The following BRD10 variants were observed in gnomAD, a reference collection of about 807,000 sequenced individuals.
The protein encoded by BRD10 is uncharacterized bromodomain-containing protein 10.
chr9:5,894,337 C>G, the BRD10 span, among the ~76,000 whole-genome samples: 1 of 152,048 alleles, frequency 6.6e-6, no homozygotes, highest in Non-Finnish European at 1.5e-5. The surrounding 1 kb of genome is among the most constrained non-coding windows in gnomAD (Gnocchi z 4.0). Context: ...ATATAAGAAG[C>G]TGGTTAAACA....
chr9:5,971,023 G>C, the BRD10 span, among the ~76,000 whole-genome samples: 1 of 120,326 alleles, frequency 8.3e-6, no homozygotes, highest in Non-Finnish European at 1.6e-5. Context: ...TTGTACTCCA[G>C]CCTGGGCAAC....
chr9:5,904,776 C>CTT, the BRD10 span, among the ~76,000 whole-genome samples: 4 of 128,948 alleles, frequency 3.1e-5, no homozygotes, highest in South Asian at 2.5e-4. Flanking sequence ...AGTTACACTT[C>CTT]TTTTTTTTTT....
the BRD10 span, among the ~76,000 whole-genome samples, chr9:5,912,455 G>A: frequency 1.3e-5 from 2 of 152,162 alleles, no homozygotes; most frequent in South Asian, 2.1e-4. Flanking sequence ...GGGTTGGGGT[G>A]GGGGGTTGGG....
the BRD10 span, among the ~76,000 whole-genome samples, chr9:5,885,929 G>T: frequency 6.6e-6 from 1 of 152,298 alleles, no homozygotes; most frequent in Middle Eastern, 3.4e-3. Context: ...AGGGCAACAG[G>T]ACTTTCTGGG....
chr9:5,979,167 A>G, the BRD10 span, among the ~76,000 whole-genome samples: 1 of 152,338 alleles, frequency 6.6e-6, no homozygotes, highest in African/African-American at 2.4e-5. Flanking sequence ...TGATTTCCAG[A>G]TCAGTAAAAT....
chr9:5,968,890 A>G, the BRD10 span: 7 of 1,613,062 alleles, frequency 4.3e-6, no homozygotes, highest in African/African-American at 1.3e-5. Flanking sequence ...GTCCAAGTAC[A>G]GCATCTTGAA....
chr9:5,999,790 T>G, the BRD10 span, among the ~76,000 whole-genome samples: 1 of 152,146 alleles, frequency 6.6e-6, no homozygotes, highest in Admixed American at 6.5e-5. Context: ...TCCACTTGTG[T>G]CTTTCTATAT....
chr9:5,959,505 G>C, the BRD10 span, among the ~76,000 whole-genome samples: 3 of 152,092 alleles, frequency 2.0e-5, no homozygotes, highest in Non-Finnish European at 4.4e-5. Flanking sequence ...CATACAATAA[G>C]CACTCAATGA....
At chr9:5,969,048 C>T in the BRD10 span, 2 of 1,612,576 alleles carry the variant, frequency 1.2e-6, no homozygotes, top group Non-Finnish European at 8.5e-7. Context: ...CCCAGTTTTT[C>T]AGCACAGTTA....
At chr9:5,957,873 C>A in the BRD10 span, among the ~76,000 whole-genome samples, 3 of 152,150 alleles carry the variant, frequency 2.0e-5, no homozygotes, top group Middle Eastern at 0.01. Flanking sequence ...TGCTTCAGGA[C>A]AAAATATATA....
chr9:6,000,121 TTAACAA>T, the BRD10 span, among the ~76,000 whole-genome samples: 7 of 152,192 alleles, frequency 4.6e-5, no homozygotes, highest in African/African-American at 1.7e-4. Context: ...ATCTTTCTAG[TTAACAA>T]TAACAACTAC....
chr9:5,921,579 G>A, the BRD10 span: 5 of 1,613,920 alleles, frequency 3.1e-6, no homozygotes, highest in Non-Finnish European at 1.7e-6. Context: ...ACCAGCATAA[G>A]TTTCTGAACT....
At chr9:6,008,073 C>A in the BRD10 span, 1 of 983,746 alleles carries the variant, frequency 1.0e-6, no homozygotes, top group African/African-American at 1.8e-5. Flanking sequence ...CCCTCGCCGG[C>A]CTCACCCCTC....
chr9:6,004,017 G>A, the BRD10 span, among the ~76,000 whole-genome samples: 1 of 152,166 alleles, frequency 6.6e-6, no homozygotes, highest in East Asian at 1.9e-4. Flanking sequence ...GCTGTTTCAT[G>A]CCTTGCACTC....
the BRD10 span, among the ~76,000 whole-genome samples, chr9:5,966,980 T>C: frequency 6.6e-6 from 1 of 152,150 alleles, no homozygotes; most frequent in Non-Finnish European, 1.5e-5. Flanking sequence ...CAATGATACA[T>C]TATATACATG....
chr9:5,896,785 C>A, the BRD10 span, among the ~76,000 whole-genome samples: 3 of 152,138 alleles, frequency 2.0e-5, no homozygotes, highest in African/African-American at 7.2e-5. Context: ...GGTCACTGAA[C>A]ACAGGGCCCA....
chr9:5,936,909 T>C, the BRD10 span, among the ~76,000 whole-genome samples: 1 of 152,124 alleles, frequency 6.6e-6, no homozygotes, highest in East Asian at 1.9e-4. Context: ...TTACTTATAT[T>C]TGAATAAGGG....
chr9:5,899,260 G>A, the BRD10 span: 2 of 152,208 alleles, frequency 1.3e-5, no homozygotes, highest in African/African-American at 4.8e-5. Flanking sequence ...AAGGTCCTGT[G>A]AAAGAGAGGA....
the BRD10 span, among the ~76,000 whole-genome samples, chr9:5,996,316 T>A: frequency 2.7e-5 from 4 of 150,386 alleles, no homozygotes; most frequent in African/African-American, 1.0e-4. Flanking sequence ...GGTTTTTTTT[T>A]TTGTTGTTGT....
Sources: gnomAD v4.1 joint callset for allele counts (sites outside exome capture counted in the v4.1 genomes callset) on GRCh38, gnomAD v4.1.1 for gene constraint, Gnocchi (gnomAD v3.1) non-coding constraint, MANE v1.5 for transcripts, NCBI Gene and HGNC (gene_info 2026-07-23, HGNC 2026-07-21) for gene names.